ARHGAP26: variants seen among roughly 807,000 people sequenced by gnomAD.
ARHGAP26 encodes the protein Rho GTPase activating protein 26, also known as rho GTPase-activating protein 26.
In ARHGAP26, 38 loss-of-function variants were observed where a neutral mutation model predicts 104.8. The observed-to-expected ratio is 0.36, with a 90% CI of 0.28 to 0.48. ARHGAP26 has a LOEUF of 0.48. ARHGAP26 is among the 20% of genes least tolerant of loss of function. The pLI is 0.99. For synonymous variants in ARHGAP26, 341 were observed against 340.0 expected (o/e 1.00, Z -0.03); for missense variants, 704 against 947.9 (o/e 0.74, Z 3.38).
chr5:142,923,638 A>G (rs1022900539), intron 10 of ARHGAP26, among the ~76,000 whole-genome samples: 3 of 152,200 alleles, frequency 2.0e-5, no homozygotes, highest in Admixed American at 2.0e-4. Context: ...TTTAAGAGCC[A>G]TGCAATTTAA....
chr5:143,188,215 C>T lies in ARHGAP26; in HGVS notation c.1989-18983C>T, dbSNP rs184801976. Among the ~76,000 whole-genome samples, 244 of 152,274 alleles carry T rather than the reference C, an allele frequency of 1.6e-3. 1 individual carries two copies. Among genetic ancestry groups the T allele is most frequent in the African/African-American group, 5.4e-3 (223 of 41,546 alleles). ...CAGTGTTTTGCTACTAAGTACAATA[C>T]GTGGGGGCATTCACACTTCCCAGTC... On this transcript the variant is annotated intron_variant, in intron 20 of 22. Coordinates refer to ENST00000645722, the MANE Select transcript of ARHGAP26 (RefSeq NM_001135608.3).
intron 10 of ARHGAP26, among the ~76,000 whole-genome samples, chr5:142,925,876 G>A (rs995929617): frequency 6.6e-6 from 1 of 152,184 alleles, no homozygotes; most frequent in East Asian, 1.9e-4. Flanking sequence ...GTAAATTCTA[G>A]ATCTTTGGAG....
intron 12 of ARHGAP26, among the ~76,000 whole-genome samples, chr5:143,024,795 C>G (rs1056339610): frequency 6.6e-6 from 1 of 152,140 alleles, no homozygotes; most frequent in African/African-American, 2.4e-5. Context: ...TTGTCAGAGC[C>G]TGCAGCTCAC....
chr5:142,782,985 C>T lies in ARHGAP26; in HGVS notation c.154+12070C>T, dbSNP rs535033442. ...TGAGCTCTAGGCAGGTCTGGAAACCCGAATTTCCTATACCCCCGCCCCCAC... is the reference window on the plus strand; with the variant it reads ...TGAGCTCTAGGCAGGTCTGGAAACCTGAATTTCCTATACCCCCGCCCCCAC... On this transcript the variant is annotated intron_variant, in intron 1 of 22. Coordinates refer to ENST00000645722, the MANE Select transcript of ARHGAP26 (RefSeq NM_001135608.3). Among the ~76,000 whole-genome samples, 31 of 152,256 alleles carry T rather than the reference C, an allele frequency of 2.0e-4. No homozygotes were observed. The South Asian group carries it at 3.5e-3, about 17-fold the overall frequency.
intron 14 of ARHGAP26, among the ~76,000 whole-genome samples, chr5:143,043,137 C>T (rs1783716841): frequency 6.6e-6 from 1 of 152,186 alleles, no homozygotes; most frequent in Non-Finnish European, 1.5e-5. Context: ...AGTCAAGATG[C>T]AGAACACTTC....
At chr5:142,826,801 T>C (rs1207690913) in intron 1 of ARHGAP26, among the ~76,000 whole-genome samples, 1 of 152,202 alleles carries the variant, frequency 6.6e-6, no homozygotes, top group East Asian at 1.9e-4. Context: ...CTGCTACTAT[T>C]TCAAATGCCA....
intron 11 of ARHGAP26, among the ~76,000 whole-genome samples, chr5:142,978,867 A>G (rs1773517404): frequency 6.6e-6 from 1 of 152,080 alleles, no homozygotes; most frequent in South Asian, 2.1e-4. Flanking sequence ...AGCTTCATCA[A>G]ATCTTGACAC....
Position 142,871,968 on chromosome 5 carries a change from G to T in ARHGAP26, c.155-1432G>T, listed in dbSNP as rs1020009280. Among the ~76,000 whole-genome samples the T allele has an allele frequency of 6.6e-6, 1 of 152,188 alleles. No homozygotes were observed. The highest frequency in any genetic ancestry group is 2.4e-5 in the African/African-American group (1 of 41,444). The stretch of plus-strand genomic sequence containing the variant: ...TATCTCGGGACCGTGTCATCACAGC[G>T]TGTGGGAGGGCAGTCCAGGAGCAGG... On this transcript the variant is annotated intron_variant, in intron 1 of 22. Coordinates refer to ENST00000645722, the MANE Select transcript of ARHGAP26 (RefSeq NM_001135608.3). This position sits in a 1 kb window ranked among gnomAD's most constrained non-coding sequence, Gnocchi z 4.1.
intron 20 of ARHGAP26, among the ~76,000 whole-genome samples, chr5:143,188,158 T>C (rs1178476846): frequency 6.6e-6 from 1 of 152,126 alleles, no homozygotes; most frequent in Non-Finnish European, 1.5e-5. Context: ...TGCAAACAAA[T>C]AAAAGGTTTT....
intron 20 of ARHGAP26, among the ~76,000 whole-genome samples, chr5:143,197,193 C>T (rs1807002775): frequency 6.6e-6 from 1 of 152,124 alleles, no homozygotes; most frequent in Non-Finnish European, 1.5e-5. Context: ...ACATGTCTTC[C>T]AGTGTACACA....
chr5:142,844,552 C>G (rs1306775393), intron 1 of ARHGAP26, among the ~76,000 whole-genome samples: 1 of 151,910 alleles, frequency 6.6e-6, no homozygotes, highest in African/African-American at 2.4e-5. Context: ...TTCTAGAGCT[C>G]TTTGAGAACT....
intron 1 of ARHGAP26, among the ~76,000 whole-genome samples, chr5:142,843,729 T>C (rs2152211021): frequency 6.6e-6 from 1 of 152,346 alleles, no homozygotes; most frequent in Admixed American, 6.5e-5. Flanking sequence ...GAATTATAAG[T>C]CAGGTTCTAA....
At chr5:143,165,490 CT>C (rs1255195808) in intron 20 of ARHGAP26, 1 of 152,256 alleles carries the variant, frequency 6.6e-6, no homozygotes, top group Non-Finnish European at 1.5e-5. Context: ...GTATTAAGAG[CT>C]TGGGTTCTGG....
At chr5:143,063,551 GT>G (rs1787052135) in intron 17 of ARHGAP26, among the ~76,000 whole-genome samples, 1 of 152,222 alleles carries the variant, frequency 6.6e-6, no homozygotes, top group East Asian at 1.9e-4. Context: ...TCTTGTGTCT[GT>G]TTCTCATGAT....
At chr5:142,772,994 G>C (rs1393800593) in intron 1 of ARHGAP26, 2 of 479,072 alleles carry the variant, frequency 4.2e-6, no homozygotes, top group Non-Finnish European at 8.5e-6. Context: ...CTGGAGGAAA[G>C]ACTGATGGGG....
intron 11 of ARHGAP26, among the ~76,000 whole-genome samples, chr5:142,966,375 C>A (rs1393257240): frequency 6.6e-6 from 1 of 152,128 alleles, no homozygotes; most frequent in Admixed American, 6.6e-5. Flanking sequence ...CATACCTGAT[C>A]TCATTTTTTC....
At chr5:142,866,414 A>C (rs1754292212) in intron 1 of ARHGAP26, among the ~76,000 whole-genome samples, 1 of 152,158 alleles carries the variant, frequency 6.6e-6, no homozygotes, top group African/African-American at 2.4e-5. Context: ...TGCAAAATGG[A>C]GGTAATAATA....
chr5:143,220,348 G>A (rs1295924221), intron 22 of ARHGAP26, among the ~76,000 whole-genome samples: 3 of 152,232 alleles, frequency 2.0e-5, no homozygotes, highest in African/African-American at 7.2e-5. Flanking sequence ...TTGCTGAGCA[G>A]TCCCGATCCA....
At chr5:143,149,584 A>T (rs532023165) in intron 20 of ARHGAP26, among the ~76,000 whole-genome samples, 1 of 152,218 alleles carries the variant, frequency 6.6e-6, no homozygotes, top group African/African-American at 2.4e-5. Context: ...ATGGACCCAC[A>T]GTACTTTCCC....
Sources: allele counts gnomAD v4.1 joint callset (sites outside exome capture counted in the v4.1 genomes callset), GRCh38; gene constraint gnomAD v4.1.1; non-coding constraint Gnocchi (gnomAD v3.1); transcripts MANE v1.5; gene names NCBI Gene and HGNC (gene_info 2026-07-23, HGNC 2026-07-21).